Variants in CENPE observed in about 807,000 individuals in gnomAD.
CENPE encodes centromere protein E, also known as centromere-associated protein E.
A neutral mutation model predicts 336.1 loss-of-function variants in CENPE; 145 were observed. The observed-to-expected ratio is 0.43, with a 90% CI of 0.38 to 0.50. CENPE has a LOEUF of 0.50. CENPE is among the 20% of genes least tolerant of loss of function. The pLI, the probability that CENPE is intolerant of heterozygous loss-of-function variation, is 0.00. For missense variants in CENPE, 2,719 were observed against 3,023.3 expected (o/e 0.90, Z 2.36); for synonymous variants, 1,013 against 984.8 (o/e 1.03, Z -0.54).
chr4:103,120,239 A>G lies in CENPE; in HGVS notation c.7238T>C (p.Val2413Ala). The change falls in exon 44 of 49, where the codon GTG becomes GCG. Residue 2413 changes from valine (V) to alanine (A), a missense_variant. Around this residue, in one of 5 missense-constraint regions of CENPE, gnomAD observed 2,437 missense variants for 2,513.3 expected, o/e 0.97. Transcript: ENST00000265148. ...KIIKMQKELE[V>A]TNDIIAKLQA... ...AAGTTTTGCTATTATGTCATTAGTC[A>G]CCTCAAGTTCTTTCTGCATCTTTAT... 6.2e-7 allele frequency: 1 copy of G among 1,612,694 alleles called. No homozygotes were observed. The highest frequency in any genetic ancestry group is 8.5e-7 in the Non-Finnish European group (1 of 1,179,350).
intron 8 of CENPE, among the ~76,000 whole-genome samples, chr4:103,187,836 G>T (rs370234177): frequency 2.0e-5 from 3 of 152,266 alleles, no homozygotes; most frequent in South Asian, 2.1e-4. Context: ...ATGCTCCAAT[G>T]AAAAGACACA....
At chr4:103,195,779 C>T in intron 4 of CENPE, 141 bp downstream of exon 4, 1 of 642,560 alleles carries the variant, frequency 1.6e-6, no homozygotes, top group Non-Finnish European at 2.8e-6. Context: ...TATGCTATGC[C>T]TTTCTTCTTT....
chr4:103,126,317 T>C (rs974204989), intron 42 of CENPE, among the ~76,000 whole-genome samples: 4 of 152,034 alleles, frequency 2.6e-5, no homozygotes, highest in African/African-American at 4.8e-5. Flanking sequence ...GCAGAAACTA[T>C]TTCACCAGAG....
chr4:103,185,758 C>T (rs1756715202), intron 9 of CENPE, 52 bp downstream of exon 9: 3 of 1,272,236 alleles, frequency 2.4e-6, no homozygotes, highest in Non-Finnish European at 2.2e-6. Context: ...ACTTTTTAAA[C>T]CTGTAAAATA....
intron 44 of CENPE, 151 bp from the exon 45 acceptor site, chr4:103,116,840 ATAAC>A (rs1157150313): frequency 2.1e-6 from 1 of 468,990 alleles, no homozygotes; most frequent in East Asian, 3.6e-5. Flanking sequence ...TTTTAACTGA[ATAAC>A]TAGATATTGA....
chr4:103,114,658 T>C (rs1749919163), intron 45 of CENPE, 106 bp from the exon 46 acceptor site: 1 of 683,220 alleles, frequency 1.5e-6, no homozygotes, highest in South Asian at 1.7e-5. Flanking sequence ...ATTGACATAA[T>C]GCCTGTAAGT....
chr4:103,179,589 T>C (rs549278792), intron 13 of CENPE, among the ~76,000 whole-genome samples: 1 of 152,336 alleles, frequency 6.6e-6, no homozygotes, highest in Admixed American at 6.5e-5. Flanking sequence ...GTTGAGAATA[T>C]GCTGTGTGGA....
At position 103,163,251 on chromosome 4, in the gene CENPE, T is replaced by A. The variant is rs1198110730; in HGVS notation, c.1728A>T (p.Glu576Asp). The change falls in exon 18 of 49, where the codon GAA becomes GAT. Residue 576 changes from glutamate to aspartate, a missense_variant. By Grantham distance (45) the Glu-to-Asp change is conservative. This residue lies in a region of CENPE where 2,437 missense variants were observed against 2,513.3 expected (regional missense o/e 0.97). Coordinates refer to ENST00000265148, the MANE Select transcript of CENPE (RefSeq NM_001813.3). ...TAAGCAGCTCTACTTTTGAACTGAG[T>A]TCATTCTAAAAGAATCAAAGGAGAG... ...AEVYNQDLEN[E>D]LSSKVELLRE... 1 of 1,606,900 alleles carries A rather than the reference T, an allele frequency of 6.2e-7. No homozygotes were observed. The highest frequency in any genetic ancestry group is 2.2e-5 in the East Asian group (1 of 44,678).
In CENPE at chr4:103,167,333, G is replaced by C. The variant is rs74842536; in HGVS notation, c.1648-3780C>G. On this transcript the variant is annotated intron_variant, in intron 16 of 48. Coordinates refer to ENST00000265148, the MANE Select transcript of CENPE (RefSeq NM_001813.3). ...CAATTTCAAGACAAATCCATCAAGA[G>C]GTAGATACACCAACCCTTCCCATAG... Among the ~76,000 whole-genome samples, 1,794 of 152,044 alleles carry C rather than the reference G, an allele frequency of 0.012. 86 individuals carry two copies. The East Asian group carries it at 0.13, about 11-fold the overall frequency.
At chr4:103,144,037 C>T (rs563130988) in intron 33 of CENPE, among the ~76,000 whole-genome samples, 10 of 151,934 alleles carry the variant, frequency 6.6e-5, no homozygotes, top group Non-Finnish European at 1.2e-4. Context: ...CCTGGGTTCA[C>T]GCCATTCTCC....
At chr4:103,147,754 C>T (rs755154391) in intron 28 of CENPE, 108 bp from the exon 29 acceptor site, 38 of 923,432 alleles carry the variant, frequency 4.1e-5, no homozygotes, top group African/African-American at 2.3e-4. Flanking sequence ...AGTGCAGTGG[C>T]GCAATCTCAG....
rs3217729 is a variant in CENPE at position 103,196,255 on chromosome 4, AAACAAC to A, written c.149-9_149-4del. 4.9e-5 allele frequency: 78 copies of A among 1,578,658 alleles called. No homozygotes were observed. The highest frequency in any genetic ancestry group is 2.6e-4 in the African/African-American group (19 of 72,300). On this transcript the variant is annotated splice_region_variant and splice_polypyrimidine_tract_variant and intron_variant, in intron 2 of 48. Coordinates refer to ENST00000265148, the MANE Select transcript of CENPE (RefSeq NM_001813.3). ...TTCATTACCATGAAAGACACGATCTAAACAACAACAACAACAACAACAACACAGAAG... is the reference window on the plus strand; with the variant it reads ...TTCATTACCATGAAAGACACGATCTAAACAACAACAACAACAACACAGAAG...
At chr4:103,111,874 T>C (rs955597427) in intron 46 of CENPE, among the ~76,000 whole-genome samples, 17 of 151,990 alleles carry the variant, frequency 1.1e-4, no homozygotes, top group African/African-American at 3.9e-4. Context: ...TGGAAACAAG[T>C]GGACTATAAT....
rs1753006602 is a variant in CENPE, at chr4:103,145,838, A to G, written c.4404T>C (p.Ile1468=). 6.3e-7 allele frequency: 1 copy of G among 1,590,526 alleles called. No homozygotes were observed. The highest frequency in any genetic ancestry group is 8.5e-7 in the Non-Finnish European group (1 of 1,172,600). The change falls in exon 30 of 49, where the codon ATT becomes ATC. Residue 1468 remains isoleucine, a synonymous_variant. Coordinates refer to ENST00000265148, the MANE Select transcript of CENPE (RefSeq NM_001813.3). ...GAAAGATGAAACCTACTTTAGCTAC[A>G]ATTTCTTTTATGTTTTCTTTGAGCT... ...SDQLKENIKE[I]VAKHLETEEE... is the part of the protein sequence containing the mutation.
At chr4:103,114,650 T>C in intron 45 of CENPE, 98 bp from the exon 46 acceptor site, 1 of 720,752 alleles carries the variant, frequency 1.4e-6, no homozygotes. Flanking sequence ...CACATCACAT[T>C]GACATAATGC....
At chr4:103,187,361 T>C (rs1756870613) in intron 8 of CENPE, among the ~76,000 whole-genome samples, 1 of 151,926 alleles carries the variant, frequency 6.6e-6, no homozygotes, top group East Asian at 1.9e-4. Flanking sequence ...TTCACCAAAG[T>C]TGAAATGAAG....
intron 29 of CENPE, among the ~76,000 whole-genome samples, chr4:103,146,627 A>C (rs1297613914): frequency 1.3e-5 from 2 of 152,188 alleles, no homozygotes; most frequent in African/African-American, 2.4e-5. Flanking sequence ...GAATAGGAAG[A>C]AGAATGAATT....
At chr4:103,166,574 G>A (rs1754938512) in intron 16 of CENPE, among the ~76,000 whole-genome samples, 1 of 152,128 alleles carries the variant, frequency 6.6e-6, no homozygotes, top group South Asian at 2.1e-4. Flanking sequence ...TAGGTAGAAT[G>A]GAAATAATAG....
At chr4:103,192,730 GT>G (rs1198476230) in intron 8 of CENPE, among the ~76,000 whole-genome samples, 1 of 152,084 alleles carries the variant, frequency 6.6e-6, no homozygotes, top group Non-Finnish European at 1.5e-5. Flanking sequence ...GAAGAAAATA[GT>G]TTCGTTTTAG....
Sources: gnomAD v4.1 joint callset for allele counts (sites outside exome capture counted in the v4.1 genomes callset) on GRCh38, gnomAD v4.1.1 for gene constraint, gnomAD v4.1.1 regional missense constraint, MANE v1.5 for transcripts, NCBI Gene and HGNC (gene_info 2026-07-23, HGNC 2026-07-21) for gene names.